TMED10: variants seen among roughly 807,000 people sequenced by gnomAD.
The protein encoded by TMED10 is transmembrane p24 trafficking protein 10, also known as transmembrane emp24 domain-containing protein 10.
A neutral mutation model predicts 23.1 loss-of-function variants in TMED10; 7 were observed. The observed-to-expected ratio is 0.30, with a 90% CI of 0.17 to 0.57. The LOEUF (loss-of-function observed/expected upper bound fraction) is 0.57, where lower values mean the gene tolerates loss of function less well. TMED10 is among the 20% of genes least tolerant of loss of function. The pLI is 0.91. For missense variants in TMED10, 162 were observed against 274.8 expected (o/e 0.59, Z 2.90); for synonymous variants, 113 against 106.9 (o/e 1.06, Z -0.35).
chr14:75,150,104 C>T (rs1265641604), intron 2 of TMED10, among the ~76,000 whole-genome samples: 1 of 151,888 alleles, frequency 6.6e-6, no homozygotes, highest in Non-Finnish European at 1.5e-5. Flanking sequence ...GTTTCACACA[C>T]ACACAAAAAA....
chr14:75,147,516 G>T, intron 3 of TMED10, 148 bp downstream of exon 3: 1 of 857,984 alleles, frequency 1.2e-6, no homozygotes, highest in Admixed American at 1.9e-5. Context: ...ACCACTTTTT[G>T]TATCAGTAAG....
intron 1 of TMED10, among the ~76,000 whole-genome samples, chr14:75,154,497 G>T (rs528071249): frequency 3.0e-5 from 4 of 133,408 alleles, no homozygotes; most frequent in African/African-American, 8.4e-5. Context: ...GGAAAAAATT[G>T]ATAATAACTA....
intron 1 of TMED10, among the ~76,000 whole-genome samples, chr14:75,169,808 A>G (rs897329241): frequency 1.2e-4 from 18 of 152,216 alleles, no homozygotes; most frequent in African/African-American, 4.1e-4. Context: ...AAGACAATCC[A>G]TTGGCTGAAC....
Position 75,154,401 on chromosome 14 carries a change from C to CAAAAAAAAAAAA in TMED10, c.226-2270_226-2259dup, listed in dbSNP as rs1166201835. ...TGGGCAACACAGCGAGACTCTGTCT[C>CAAAAAAAAAAAA]AAAAAAAAAAAAAAAAAAAAAAAAA... is the stretch of plus-strand genomic sequence containing the variant. On this transcript the variant is annotated intron_variant, in intron 1 of 4. Coordinates refer to ENST00000303575, the MANE Select transcript of TMED10 (RefSeq NM_006827.6). Among the ~76,000 whole-genome samples, 80 of 15,254 alleles carry CAAAAAAAAAAAA rather than the reference C, an allele frequency of 5.2e-3. 32 individuals carry two copies. Among genetic ancestry groups the CAAAAAAAAAAAA allele is most frequent in the East Asian group, 0.019 (6 of 322 alleles). 10.0% of individuals were successfully genotyped at this position (15,254 alleles called of 152,430 possible). A position where few individuals can be genotyped will look rare whatever the true frequency, so the allele number is the denominator to read the frequency against.
chr14:75,139,094 C>A, intron 3 of TMED10: 1 of 444,606 alleles, frequency 2.2e-6, no homozygotes, highest in Non-Finnish European at 4.5e-6. Context: ...CCTCAATTCC[C>A]ACATTGCTTT....
chr14:75,134,287 TTTTC>T lies in TMED10; in HGVS notation c.*594_*597del, dbSNP rs1895721902. On this transcript the variant is annotated 3_prime_UTR_variant, in exon 5 of 5. Transcript: ENST00000303575. The stretch of plus-strand genomic sequence containing the variant: ...AATATTTTAATTGTCTAAAATGACA[TTTTC>T]TTTAAGAGTTATCTACAGTTCAAAG... 2 of 154,172 alleles carry T rather than the reference TTTTC, an allele frequency of 1.3e-5. No individual in the cohort carries two copies. The highest frequency in any genetic ancestry group is 4.8e-5 in the African/African-American group (2 of 41,582). The allele number at this position is 154,172 out of a possible 1,614,324, so 9.6% of individuals were successfully genotyped here. A position where few individuals can be genotyped will look rare whatever the true frequency, so the allele number is the denominator to read the frequency against.
intron 3 of TMED10, chr14:75,136,744 G>T (rs899122116): frequency 6.6e-6 from 1 of 152,136 alleles, no homozygotes; most frequent in African/African-American, 2.4e-5. Context: ...AAACTGCACT[G>T]AATTTTTTAT....
At chr14:75,135,659 C>T in intron 4 of TMED10, 101 bp downstream of exon 4, 3 of 1,511,632 alleles carry the variant, frequency 2.0e-6, no homozygotes, top group Non-Finnish European at 2.7e-6. Context: ...CTCCATATAC[C>T]CACCTTGGCA....
At chr14:75,141,548 G>C (rs965719269) in intron 3 of TMED10, among the ~76,000 whole-genome samples, 3 of 152,108 alleles carry the variant, frequency 2.0e-5, no homozygotes, top group African/African-American at 7.2e-5. Flanking sequence ...TTTAATCCTC[G>C]TAACCCTATA....
Position 75,176,397 on chromosome 14 carries a change from G to A in TMED10, c.183C>T (p.Ser61=), listed in dbSNP as rs2139868157. 1 of 1,614,218 alleles carries A rather than the reference G, an allele frequency of 6.2e-7. No individual in the cohort carries two copies. Among genetic ancestry groups the A allele is most frequent in the Non-Finnish European group, 8.5e-7 (1 of 1,180,036 alleles). The change falls in exon 1 of 5, where the codon TCC becomes TCT. Residue 61 remains serine, a synonymous_variant. Transcript: ENST00000303575. ...DLLVTGAYEI[S]DQSGGAGGLR... is the part of the protein sequence containing the mutation. Reference sequence around the variant, plus strand: ...GGCCGCCAGCGCCCCCAGACTGGTCGGAGATCTCGTACGCGCCAGTCACTA... The same window carrying A: ...GGCCGCCAGCGCCCCCAGACTGGTCAGAGATCTCGTACGCGCCAGTCACTA...
chr14:75,153,819 G>T (rs1253193600), intron 1 of TMED10, among the ~76,000 whole-genome samples: 1 of 132,484 alleles, frequency 7.5e-6, no homozygotes, highest in African/African-American at 2.7e-5. Context: ...CCCCAGGCTG[G>T]AGTGCAGTGG....
chr14:75,144,055 T>C (rs371647402), intron 3 of TMED10, among the ~76,000 whole-genome samples: 16 of 152,110 alleles, frequency 1.1e-4, no homozygotes, highest in African/African-American at 3.9e-4. Context: ...CCAGGGCAGC[T>C]GTGTTTTTGG....
At chr14:75,139,695 C>T (rs1191825956) in intron 3 of TMED10, among the ~76,000 whole-genome samples, 1 of 151,510 alleles carries the variant, frequency 6.6e-6, no homozygotes, top group Non-Finnish European at 1.5e-5. Context: ...TATTTTCAGA[C>T]CTTCATTAGT....
chr14:75,145,050 C>G (rs1895865839), intron 3 of TMED10, among the ~76,000 whole-genome samples: 1 of 152,230 alleles, frequency 6.6e-6, no homozygotes, highest in East Asian at 1.9e-4. Flanking sequence ...GCCATTCCTC[C>G]TCTACATCAA....
chr14:75,156,916 A>AAAAAGAAAAGAAAAGAAAAGAAAAAAAAG (rs1896026201), intron 1 of TMED10, among the ~76,000 whole-genome samples: 3 of 135,472 alleles, frequency 2.2e-5, no homozygotes, highest in Non-Finnish European at 4.6e-5. Context: ...CCGTCTCAAA[A>AAAAAGAAAAGAAAAGAAAAGAAAAAAAAG]AAAAGAAAAG....
At chr14:75,164,557 ATATATATATATATATATATATTTTTTTTT>A (rs1896130898) in intron 1 of TMED10, among the ~76,000 whole-genome samples, 1 of 14,854 alleles carries the variant, frequency 6.7e-5, no homozygotes, top group African/African-American at 3.4e-4. Flanking sequence ...ATATATATAT[ATATATATATATATATATATATTTTTTTTT>A]TTTTTTTTGT....
chr14:75,170,648 A>T (rs35446981), intron 1 of TMED10, among the ~76,000 whole-genome samples: 75,099 of 151,332 alleles, frequency 0.5, 19,129 homozygotes, highest in Middle Eastern at 0.56. Flanking sequence ...AAAATACTTT[A>T]AAAAAAAACC....
Position 75,132,296 on chromosome 14 carries a change from G to T in TMED10, c.*2589C>A, listed in dbSNP as rs1460734214. On this transcript the variant is annotated 3_prime_UTR_variant, in exon 5 of 5. Transcript: ENST00000303575. Reference sequence around the variant, plus strand: ...CCAGCTACTCAGGAGGCTGAGGCAGGAGAATTGCTTGAACCCAGGAGGTGA... The same window carrying T: ...CCAGCTACTCAGGAGGCTGAGGCAGTAGAATTGCTTGAACCCAGGAGGTGA... 6.6e-6 allele frequency: 1 copy of T among 150,704 alleles called. No homozygotes were observed. Among genetic ancestry groups the T allele is most frequent in the African/African-American group, 2.4e-5 (1 of 41,132 alleles). The allele number at this position is 150,704 out of a possible 1,614,324, so 9.3% of individuals were successfully genotyped here.
chr14:75,132,683 C>G lies in TMED10; in HGVS notation c.*2202G>C, dbSNP rs1358403367. On this transcript the variant is annotated 3_prime_UTR_variant, in exon 5 of 5. Transcript: ENST00000303575. The stretch of plus-strand genomic sequence containing the variant: ...AAGTTTGGGTTCATAGTAGCAGGAA[C>G]ATTAACAGAATAGCCTGAGATTTTA... The G allele has an allele frequency of 6.6e-6, 1 of 152,204 alleles. No homozygotes were observed. The highest frequency in any genetic ancestry group is 1.5e-5 in the Non-Finnish European group (1 of 68,040). The allele number at this position is 152,204 out of a possible 1,614,324, so 9.4% of individuals were successfully genotyped here. A position where few individuals can be genotyped will look rare whatever the true frequency, so the allele number is the denominator to read the frequency against.
Sources: gnomAD v4.1 joint callset for allele counts (sites outside exome capture counted in the v4.1 genomes callset) on GRCh38, gnomAD v4.1.1 for gene constraint, MANE v1.5 for transcripts, NCBI Gene and HGNC (gene_info 2026-07-23, HGNC 2026-07-21) for gene names.